Variants in MKLN1 observed in about 807,000 individuals in gnomAD.
The protein encoded by MKLN1 is muskelin.
In MKLN1, 18 loss-of-function variants were observed where a neutral mutation model predicts 99.0. The ratio of observed to expected loss-of-function variants is 0.18; its 90% CI spans 0.13 to 0.27. The LOEUF (loss-of-function observed/expected upper bound fraction) is 0.27. MKLN1 is among the 10% of genes least tolerant of loss of function. The pLI is 1.00. For missense variants in MKLN1, 621 were observed against 875.9 expected, an observed-to-expected ratio of 0.71 and a Z score of 3.67; for synonymous variants, 288 against 293.2, an observed-to-expected ratio of 0.98 and a Z score of 0.18.
chr7:131,476,337 G>T (rs1335984385), intron 16 of MKLN1, among the ~76,000 whole-genome samples: 2 of 152,052 alleles, frequency 1.3e-5, no homozygotes, highest in Non-Finnish European at 1.5e-5. Flanking sequence ...ATATAGATTG[G>T]ATAGGAGAAA....
intron 1 of MKLN1, among the ~76,000 whole-genome samples, chr7:131,129,389 G>A (rs1447742771): frequency 6.6e-6 from 1 of 152,036 alleles, no homozygotes; most frequent in Non-Finnish European, 1.5e-5. Context: ...AATAACTACA[G>A]GTACTAAGAA....
At chr7:131,312,012 T>TTTTG (rs201282707) in intron 3 of MKLN1, among the ~76,000 whole-genome samples, 69 of 151,946 alleles carry the variant, frequency 4.5e-4, no homozygotes, top group African/African-American at 9.9e-4. Context: ...TTTTTTTGTT[T>TTTTG]TTTGTTTGTT....
At chr7:131,476,954 TG>T (rs1224934894) in intron 16 of MKLN1, among the ~76,000 whole-genome samples, 1 of 152,242 alleles carries the variant, frequency 6.6e-6, no homozygotes, top group Non-Finnish European at 1.5e-5. Context: ...AGTTGTTTTT[TG>T]ACCAGGGTAC....
intron 3 of MKLN1, among the ~76,000 whole-genome samples, chr7:131,235,890 G>A (rs893453824): frequency 6.6e-6 from 1 of 152,158 alleles, no homozygotes; most frequent in Non-Finnish European, 1.5e-5. Context: ...AAGCTAACAG[G>A]TCTATTCCTT....
chr7:131,180,378 T>TA (rs796088007), intron 2 of MKLN1, among the ~76,000 whole-genome samples: 80 of 152,208 alleles, frequency 5.3e-4, no homozygotes, highest in African/African-American at 1.8e-3. Flanking sequence ...TGAGGAACAA[T>TA]ATAAAAGAAG....
intron 2 of MKLN1, among the ~76,000 whole-genome samples, chr7:131,382,297 G>A (rs796625610): frequency 1.3e-5 from 2 of 152,064 alleles, no homozygotes; most frequent in African/African-American, 2.4e-5. Flanking sequence ...CCTGGGAGGC[G>A]GAGGTTGCAG....
At chr7:131,474,444 G>T (rs1015612859) in intron 16 of MKLN1, among the ~76,000 whole-genome samples, 1 of 152,144 alleles carries the variant, frequency 6.6e-6, no homozygotes, top group African/African-American at 2.4e-5. Flanking sequence ...GTGACTGTTG[G>T]ATATTTGAAT....
chr7:131,315,552 G>C lies in MKLN1; in HGVS notation c.-178-59872G>C, dbSNP rs566852436. On this transcript the variant is annotated intron_variant, in intron 3 of 7. Transcript: ENST00000416992. Reference sequence around the variant, plus strand: ...CCTGGAACCCCAGTGAGACAGAACTGTTCACTCCCCTGGAAAGGAGGCTGA... The same window carrying C: ...CCTGGAACCCCAGTGAGACAGAACTCTTCACTCCCCTGGAAAGGAGGCTGA... Among the ~76,000 whole-genome samples, 216 of 152,254 alleles carry C rather than the reference G, an allele frequency of 1.4e-3. 1 individual carries two copies. The highest frequency in any genetic ancestry group is 4.8e-3 in the African/African-American group (198 of 41,540).
At chr7:131,156,447 CAAAAAAAAAAAAA>C (rs143988738) in intron 2 of MKLN1, among the ~76,000 whole-genome samples, 3 of 74,672 alleles carry the variant, frequency 4.0e-5, no homozygotes, top group Non-Finnish European at 7.1e-5. Context: ...GACTCTGTCT[CAAAAAAAAAAAAA>C]AAAAAAAAAA....
chr7:131,448,682 T>C (rs1796089398), intron 12 of MKLN1, among the ~76,000 whole-genome samples: 1 of 152,226 alleles, frequency 6.6e-6, no homozygotes, highest in Non-Finnish European at 1.5e-5. Flanking sequence ...ACTGGAGATG[T>C]TATTAGAAAA....
At chr7:131,429,205 T>A in intron 9 of MKLN1, 60 bp downstream of exon 9, 1 of 1,127,338 alleles carries the variant, frequency 8.9e-7, no homozygotes, top group South Asian at 1.4e-5. Context: ...GTGCACTTGT[T>A]TTTCGGCATG....
At chr7:131,414,405 T>A (rs1379482375) in intron 7 of MKLN1, among the ~76,000 whole-genome samples, 6 of 152,098 alleles carry the variant, frequency 3.9e-5, no homozygotes, top group African/African-American at 1.4e-4. Flanking sequence ...TGATCATAAA[T>A]AAATCAAAAA....
chr7:131,132,331 G>C (rs185034600), intron 1 of MKLN1, among the ~76,000 whole-genome samples: 318 of 152,326 alleles, frequency 2.1e-3, no homozygotes, highest in Non-Finnish European at 3.6e-3. Context: ...ATACCAGATG[G>C]AGAGAATTGT....
At chr7:131,303,888 T>C (rs551823247) in intron 3 of MKLN1, among the ~76,000 whole-genome samples, 1 of 152,346 alleles carries the variant, frequency 6.6e-6, no homozygotes, top group East Asian at 1.9e-4. Flanking sequence ...CCCATGCCTT[T>C]AATTCTTTCT....
chr7:131,423,228 G>T (rs1048982259), intron 8 of MKLN1, among the ~76,000 whole-genome samples: 2 of 152,196 alleles, frequency 1.3e-5, no homozygotes, highest in African/African-American at 4.8e-5. Context: ...TACAAAAGAA[G>T]TTGATGGAGA....
At chr7:131,195,370 G>A (rs1373842918) in intron 2 of MKLN1, among the ~76,000 whole-genome samples, 1 of 151,942 alleles carries the variant, frequency 6.6e-6, no homozygotes, top group Non-Finnish European at 1.5e-5. Context: ...AAGTAGCCAG[G>A]CATGGTGGCA....
At chr7:131,182,252 T>C (rs547784869) in intron 2 of MKLN1, among the ~76,000 whole-genome samples, 1 of 152,334 alleles carries the variant, frequency 6.6e-6, no homozygotes, top group African/African-American at 2.4e-5. Context: ...CAGTTGACAC[T>C]GTATGATTGA....
At chr7:131,370,566 C>G (rs1054420363) in intron 1 of MKLN1, among the ~76,000 whole-genome samples, 7 of 151,372 alleles carry the variant, frequency 4.6e-5, no homozygotes, top group Admixed American at 4.6e-4. Flanking sequence ...TTTCGCATAC[C>G]TCAAATAGTT....
chr7:131,212,022 G>A (rs563292916), intron 3 of MKLN1, among the ~76,000 whole-genome samples: 33 of 152,272 alleles, frequency 2.2e-4, no homozygotes, highest in Middle Eastern at 3.4e-3. Context: ...CCAGAGTGAA[G>A]ACAGTATCAT....
Sources: allele counts gnomAD v4.1 joint callset (sites outside exome capture counted in the v4.1 genomes callset), GRCh38; gene constraint gnomAD v4.1.1; transcripts MANE v1.5; gene names NCBI Gene and HGNC (gene_info 2026-07-23, HGNC 2026-07-21).